The following CIC variants were observed in gnomAD, a reference collection of about 807,000 sequenced individuals.
CIC encodes the protein capicua transcriptional repressor, also known as protein capicua homolog.
Under a neutral mutation model 115.7 loss-of-function variants are expected in CIC, and 18 were observed. The ratio of observed to expected loss-of-function variants is 0.16; its 90% confidence interval spans 0.11 to 0.23. The LOEUF (loss-of-function observed/expected upper bound fraction) is 0.23, where lower values mean the gene tolerates loss of function less well. Ranked by LOEUF, CIC falls within the 10% of genes least tolerant of loss-of-function variation. The probability of loss-of-function intolerance (pLI) is 1.00; values close to 1 mark genes in which losing one functional copy is unlikely to be tolerated. For missense variants in CIC, 2,000 were observed against 2,159.3 expected, an observed-to-expected ratio of 0.93 and a Z score of 1.46; for synonymous variants, 1,076 against 923.0, an observed-to-expected ratio of 1.17 and a Z score of -3.01.
In CIC at chr19:42,274,264, G is replaced by A. The variant is rs2036886745; in HGVS notation, c.2481G>A (p.Glu827=). 1 of 398,780 alleles carries A rather than the reference G, an allele frequency of 2.5e-6. No individual in the cohort carries two copies. Among genetic ancestry groups the A allele is most frequent in the South Asian group, 1.3e-4 (1 of 7,892 alleles). 24.7% of individuals were successfully genotyped at this position (398,780 alleles called of 1,614,324 possible). A position where few individuals can be genotyped will look rare whatever the true frequency, so the allele number is the denominator to read the frequency against. ...CACTGCCCTCCAAATTCCCTGGGGA[G>A]GTGGGCACTGCTGGTGAGGTGCGGG... ...DVPLPSKFPG[E]VGTAGEVRAG... The change falls in exon 2 of 21, where the codon GAG becomes GAA. Residue 827 remains glutamate, a synonymous_variant. Transcript: ENST00000681038.
rs764367333 is a variant in CIC, at chr19:42,287,743, C to G, written c.3492+16C>G. ...GGCCTTCCAGGTAACGCTGTTGCCT[C>G]TTGGCTCCTCCCAGCTTCTTCTGGT... On this transcript the variant is annotated intron_variant, in intron 6 of 20. Transcript: ENST00000681038. This position sits in a 1 kb window ranked among gnomAD's most constrained non-coding sequence, Gnocchi z 8.7. The G allele has an allele frequency of 2.4e-5, 38 of 1,614,204 alleles. No homozygotes were observed. Among genetic ancestry groups the G allele is most frequent in the Non-Finnish European group, 3.2e-5 (38 of 1,180,028 alleles).
chr19:42,295,262 G>T lies in CIC; in HGVS notation c.*71G>T, dbSNP rs149868246. The T allele has an allele frequency of 1.5e-6, 2 of 1,360,360 alleles. No individual in the cohort carries two copies. The highest frequency in any genetic ancestry group is 2.9e-5 in the African/African-American group (2 of 69,262). The allele number at this position is 1,360,360 out of a possible 1,614,324, so 84.3% of individuals were successfully genotyped here. On this transcript the variant is annotated 3_prime_UTR_variant, in exon 21 of 21. Coordinates refer to ENST00000681038, the MANE Select transcript of CIC (RefSeq NM_001386298.1). Reference sequence around the variant, plus strand: ...ATGGACAGTATGTGGGGGCAGGAAGGTTATCTCCTCCCGGGTAAAGCCATT... The same window carrying T: ...ATGGACAGTATGTGGGGGCAGGAAGTTTATCTCCTCCCGGGTAAAGCCATT...
rs2038268574 is a variant in CIC at position 42,293,151 on chromosome 19, A to T, written c.6392A>T (p.Glu2131Val). 1 of 1,606,800 alleles carries T rather than the reference A, an allele frequency of 6.2e-7. No individual in the cohort carries two copies. Among genetic ancestry groups the T allele is most frequent in the Non-Finnish European group, 8.5e-7 (1 of 1,177,402 alleles). The change falls in exon 16 of 21, where the codon GAG becomes GTG. Residue 2131 changes from glutamate to valine, a missense_variant. Physicochemically the swap from Glu to Val is moderately radical, Grantham distance 121. Coordinates refer to ENST00000681038, the MANE Select transcript of CIC (RefSeq NM_001386298.1). ...PVREPTAPES[E>V]LEGQPTPPAP... ...CGAGAGCCAACTGCCCCAGAGTCTGAGCTTGAGGGGCAGCCCACACCACCA... is the reference window on the plus strand; with the variant it reads ...CGAGAGCCAACTGCCCCAGAGTCTGTGCTTGAGGGGCAGCCCACACCACCA...
At chr19:42,276,412 GCAGGGAGAC>G (rs1201281639) in intron 2 of CIC, among the ~76,000 whole-genome samples, 1 of 152,208 alleles carries the variant, frequency 6.6e-6, no homozygotes, top group Non-Finnish European at 1.5e-5. Context: ...GAGGCCAGAA[GCAGGGAGAC>G]CAGGGAGGAA....
Position 42,292,196 on chromosome 19 carries a change from C to T in CIC, c.5724C>T (p.Pro1908=), listed in dbSNP as rs1036132341. The change falls in exon 13 of 21, where the codon CCC becomes CCT. Residue 1908 remains proline, a synonymous_variant. Coordinates refer to ENST00000681038, the MANE Select transcript of CIC (RefSeq NM_001386298.1). ...PTSQPQKVLL[P]SSTRITYVQS... is the part of the protein sequence containing the mutation. ...CTCAGCCTCAGAAGGTCCTGTTGCCCTCCTCCACCAGGTAATTGCAGCTGA... is the reference window on the plus strand; with the variant it reads ...CTCAGCCTCAGAAGGTCCTGTTGCCTTCCTCCACCAGGTAATTGCAGCTGA... The T allele has an allele frequency of 6.8e-6, 11 of 1,614,064 alleles. No individual in the cohort carries two copies. In the Admixed American group the frequency reaches 1.5e-4, roughly 22 times the overall value.
chr19:42,294,581 C>A (rs759117136), intron 19 of CIC, 23 bp from the exon 20 acceptor site: 2 of 1,612,662 alleles, frequency 1.2e-6, no homozygotes, highest in Non-Finnish European at 1.7e-6. Context: ...GCAGCCTTGC[C>A]ATGCTGCCTG....
At chr19:42,279,581 A>G (rs2037128580) in intron 2 of CIC, among the ~76,000 whole-genome samples, 1 of 152,260 alleles carries the variant, frequency 6.6e-6, no homozygotes, top group Non-Finnish European at 1.5e-5. Flanking sequence ...AAAGTGCATG[A>G]ACTCCGAGTG....
In CIC at chr19:42,273,945, A is replaced by T. The variant is rs1015880506; in HGVS notation, c.2162A>T (p.His721Leu). 1 of 398,514 alleles carries T rather than the reference A, an allele frequency of 2.5e-6. No homozygotes were observed. The highest frequency in any genetic ancestry group is 2.1e-5 in the African/African-American group (1 of 48,546). The allele number at this position is 398,514 out of a possible 1,614,324, so 24.7% of individuals were successfully genotyped here. A position where few individuals can be genotyped will look rare whatever the true frequency, so the allele number is the denominator to read the frequency against. ...PGRRKTELLP[H>L]PGALGAPGAG... ...CGACGGAAGACAGAGCTGTTGCCGC[A>T]TCCAGGGGCCTTGGGGGCCCCTGGC... The change falls in exon 2 of 21, where the codon CAT becomes CTT. Residue 721 changes from histidine (H) to leucine (L), a missense_variant. By Grantham distance (99) the His-to-Leu change is moderately conservative. Coordinates refer to ENST00000681038, the MANE Select transcript of CIC (RefSeq NM_001386298.1).
chr19:42,290,749 G>T lies in CIC; in HGVS notation c.4708G>T (p.Ala1570Ser). 1 of 1,612,476 alleles carries T rather than the reference G, an allele frequency of 6.2e-7. No individual in the cohort carries two copies. The highest frequency in any genetic ancestry group is 8.5e-7 in the Non-Finnish European group (1 of 1,179,730). ...PAPSLAYGAPAAPLSRPAATM... is the reference protein window; with the variant it reads ...PAPSLAYGAPSAPLSRPAATM... The stretch of plus-strand genomic sequence containing the variant: ...CCCATCACTGGCCTATGGGGCCCCA[G>T]CAGCTCCCCTGTCCCGTCCTGCCGC... The change falls in exon 11 of 21, where the codon GCA (alanine) becomes TCA (serine). Residue 1570 changes from alanine (A) to serine (S), a missense_variant. Around this residue, in one of 8 missense-constraint regions of CIC, gnomAD observed 1,466 missense variants for 1,390.4 expected, o/e 1.05. Coordinates refer to ENST00000681038, the MANE Select transcript of CIC (RefSeq NM_001386298.1).
chr19:42,268,892 T>C (rs996842460), upstream of CIC, among the ~76,000 whole-genome samples: 3 of 152,208 alleles, frequency 2.0e-5, no homozygotes, highest in East Asian at 1.9e-4. Context: ...CTACTGTCCC[T>C]CACAGAGGCT....
Position 42,293,847 on chromosome 19 carries a change from G to C in CIC, c.6767+11G>C, listed in dbSNP as rs763904329. 4 of 1,613,056 alleles carry C rather than the reference G, an allele frequency of 2.5e-6. No homozygotes were observed. Among genetic ancestry groups the C allele is most frequent in the Non-Finnish European group, 3.4e-6 (4 of 1,179,808 alleles). ...TGACTCTGTGGACAAGTGAGCATGGGCTGGGGCCTTGGTGGAGCGTGTTAG... is the reference window on the plus strand; with the variant it reads ...TGACTCTGTGGACAAGTGAGCATGGCCTGGGGCCTTGGTGGAGCGTGTTAG... On this transcript the variant is annotated intron_variant, in intron 17 of 20. Coordinates refer to ENST00000681038, the MANE Select transcript of CIC (RefSeq NM_001386298.1).
In CIC at chr19:42,289,303, G is replaced by A. The variant is rs972043432; in HGVS notation, c.3984G>A (p.Leu1328=). ...ALAATGRPPL[L]PTRASRSQRA... ...CGGCCACTGGGCGGCCCCCGCTGCT[G>A]CCCACCCGAGCTTCTCGTTCTCAGC... is the stretch of plus-strand genomic sequence containing the variant. Residue 1328 remains leucine, a synonymous_variant, in exon 9 of 21, where the codon CTG becomes CTA. Coordinates refer to ENST00000681038, the MANE Select transcript of CIC (RefSeq NM_001386298.1). The A allele has an allele frequency of 1.9e-6, 3 of 1,613,862 alleles. No individual in the cohort carries two copies. In the African/African-American group the frequency reaches 4.0e-5, roughly 22 times the overall value.
At position 42,293,261 on chromosome 19, in the gene CIC, G is replaced by T; in HGVS notation, c.6502G>T (p.Ala2168Ser). The T allele has an allele frequency of 6.3e-7, 1 of 1,582,436 alleles. No homozygotes were observed. Among genetic ancestry groups the T allele is most frequent in the Non-Finnish European group, 8.6e-7 (1 of 1,166,644 alleles). ...LPPPAEERTS[A>S]KGPETMASKF... ...CCCACCTGCTGAGGAGCGGACCAGC[G>T]CCAAGGGCCCTGAGACCATGGTGAG... The change falls in exon 16 of 21, where the codon GCC becomes TCC. Residue 2168 changes from alanine to serine, a missense_variant. Physicochemically the swap from Ala to Ser is moderately conservative, Grantham distance 99 (BLOSUM62 1). This residue lies in a region of CIC where 1,466 missense variants were observed against 1,390.4 expected (regional missense o/e 1.05). Transcript: ENST00000681038.
rs776151604 is a variant in CIC at position 42,292,309 on chromosome 19, T to C, written c.5745T>C (p.Tyr1915=). ...VLLPSSTRIT[Y]VQSAGGHALP... ...TCCTCTCCTGCGGCAGAATCACCTA[T>C]GTGCAGTCAGCGGGCGGGCACGCGC... Residue 1915 remains tyrosine, a synonymous_variant, in exon 14 of 21, where the codon TAT becomes TAC. Transcript: ENST00000681038. 12 of 1,613,248 alleles carry C rather than the reference T, an allele frequency of 7.4e-6. No homozygotes were observed. Among genetic ancestry groups the C allele is most frequent in the East Asian group, 4.5e-5 (2 of 44,888 alleles).
rs767967495 is a variant in CIC, at chr19:42,287,211, C to T, written c.3150C>T (p.Asp1050=). 6.8e-6 allele frequency: 11 copies of T among 1,613,640 alleles called. No individual in the cohort carries two copies. The highest frequency in any genetic ancestry group is 8.5e-6 in the Non-Finnish European group (10 of 1,179,932). The part of the protein sequence containing the change: ...ASGPPGEPRL[D]SETESDHDDA... ...GCCCCCCAGGAGAGCCCCGGCTGGA[C>T]AGTGAGACAGAGAGTGACCATGATG... Residue 1050 remains aspartate, a synonymous_variant, in exon 4 of 21, where the codon GAC becomes GAT. Coordinates refer to ENST00000681038, the MANE Select transcript of CIC (RefSeq NM_001386298.1). The surrounding 1 kb of genome is among the most constrained non-coding windows in gnomAD (Gnocchi z 8.7).
chr19:42,292,927 G>A, intron 15 of CIC, 29 bp from the exon 16 acceptor site: 3 of 1,613,928 alleles, frequency 1.9e-6, no homozygotes, highest in Non-Finnish European at 1.7e-6. Flanking sequence ...AGTCAGGCCT[G>A]GCTCAGCAAA....
Position 42,286,998 on chromosome 19 carries a change from G to A in CIC, c.2945-8G>A, listed in dbSNP as rs1161396451. ...TAGGAGCCCTCTGATCTACCTCTGT[G>A]TCCCCAGAACCTGCTGAGTCGGCAG... On this transcript the variant is annotated splice_region_variant and splice_polypyrimidine_tract_variant and intron_variant, in intron 3 of 20. Transcript: ENST00000681038. The A allele has an allele frequency of 6.2e-7, 1 of 1,608,890 alleles. No homozygotes were observed. The highest frequency in any genetic ancestry group is 8.5e-7 in the Non-Finnish European group (1 of 1,179,974).
intron 2 of CIC, among the ~76,000 whole-genome samples, chr19:42,283,569 G>A (rs2037365377): frequency 6.6e-6 from 1 of 152,146 alleles, no homozygotes. Context: ...AGGAGTGTGA[G>A]TGTGAGTAGG....
chr19:42,281,490 AG>A (rs1201686204), intron 2 of CIC, among the ~76,000 whole-genome samples: 2 of 152,044 alleles, frequency 1.3e-5, no homozygotes, highest in Non-Finnish European at 2.9e-5. Context: ...GGAGTTGGTT[AG>A]GGGTTGGTGC....
Sources: allele counts gnomAD v4.1 joint callset (sites outside exome capture counted in the v4.1 genomes callset), GRCh38; gene constraint gnomAD v4.1.1; regional missense constraint gnomAD v4.1.1; non-coding constraint Gnocchi (gnomAD v3.1); transcripts MANE v1.5; gene names NCBI Gene and HGNC (gene_info 2026-07-23, HGNC 2026-07-21).